Variants in CASQ2 observed in about 807,000 individuals in gnomAD.
CASQ2 encodes calsequestrin 2, also known as calsequestrin-2.
In CASQ2, 49 loss-of-function variants were observed where a neutral mutation model predicts 46.5. The observed-to-expected ratio is 1.05, with a 90% CI of 0.84 to 1.34. The LOEUF (loss-of-function observed/expected upper bound fraction) is 1.34, where lower values mean the gene tolerates loss of function less well. Ranked by LOEUF, CASQ2 falls within the 40% of genes most tolerant of loss-of-function variation. The probability of loss-of-function intolerance (pLI) is 0.00; values close to 1 mark genes in which losing one functional copy is unlikely to be tolerated. For missense variants in CASQ2, 486 were observed against 481.3 expected (o/e 1.01, Z -0.09); for synonymous variants, 174 against 168.5 (o/e 1.03, Z -0.25).
intron 1 of CASQ2, among the ~76,000 whole-genome samples, chr1:115,753,269 A>G (rs1648642848): frequency 6.6e-6 from 1 of 152,190 alleles, no homozygotes; most frequent in South Asian, 2.1e-4. Context: ...CACAGGGTCA[A>G]GGGCTGGCTG....
chr1:115,708,677 T>C (rs1250609002), intron 8 of CASQ2, among the ~76,000 whole-genome samples: 1 of 152,228 alleles, frequency 6.6e-6, no homozygotes, highest in Non-Finnish European at 1.5e-5. Context: ...GTTTAGCCAT[T>C]ATTTTACTTA....
intron 7 of CASQ2, among the ~76,000 whole-genome samples, chr1:115,719,883 C>G (rs192816521): frequency 1.6e-4 from 24 of 152,152 alleles, no homozygotes; most frequent in Non-Finnish European, 3.2e-4. Flanking sequence ...TTGCATGAAT[C>G]TTCCCTCCTC....
At chr1:115,717,928 AGCTG>A in intron 7 of CASQ2, 34 bp from the exon 8 acceptor site, 1 of 1,429,758 alleles carries the variant, frequency 7.0e-7, no homozygotes, top group Non-Finnish European at 9.9e-7. Flanking sequence ...TTACACTTCC[AGCTG>A]GAGGGATGCA....
chr1:115,755,271 GA>G (rs1648720034), intron 1 of CASQ2, among the ~76,000 whole-genome samples: 1 of 152,202 alleles, frequency 6.6e-6, no homozygotes, highest in Non-Finnish European at 1.5e-5. Context: ...TTTCTCAACA[GA>G]ATTCTGTGCC....
chr1:115,735,331 C>A (rs1026037857), intron 4 of CASQ2, among the ~76,000 whole-genome samples: 3 of 152,110 alleles, frequency 2.0e-5, no homozygotes, highest in African/African-American at 7.2e-5. Context: ...GGGTTAACTG[C>A]GCAAGAATTT....
At chr1:115,739,021 C>T (rs1648066173) in intron 3 of CASQ2, among the ~76,000 whole-genome samples, 1 of 149,472 alleles carries the variant, frequency 6.7e-6, no homozygotes, top group Admixed American at 6.7e-5. Context: ...ATAATGTTCT[C>T]CAATTCCATC....
At chr1:115,743,931 G>A (rs1648288559) in intron 2 of CASQ2, among the ~76,000 whole-genome samples, 1 of 150,956 alleles carries the variant, frequency 6.6e-6, no homozygotes, top group Non-Finnish European at 1.5e-5. Context: ...AAGATCAAGA[G>A]TTCAACACCA....
intron 1 of CASQ2, among the ~76,000 whole-genome samples, chr1:115,752,175 C>T (rs1648606145): frequency 6.6e-6 from 1 of 152,212 alleles, no homozygotes; most frequent in Admixed American, 6.5e-5. Flanking sequence ...ATTTAAATGT[C>T]AGTTCCTCAA....
intron 2 of CASQ2, among the ~76,000 whole-genome samples, chr1:115,742,913 C>T (rs10923343): frequency 0.71 from 107,942 of 151,794 alleles, 42,095 homozygotes; most frequent in Non-Finnish European, 0.88. Context: ...CTCAGCCTCC[C>T]GAGTAGTGGG....
intron 8 of CASQ2, among the ~76,000 whole-genome samples, chr1:115,708,785 A>C (rs1335437820): frequency 6.6e-6 from 1 of 152,220 alleles, no homozygotes; most frequent in Non-Finnish European, 1.5e-5. Flanking sequence ...TATTACGTTC[A>C]GTGATCTGGG....
intron 1 of CASQ2, among the ~76,000 whole-genome samples, chr1:115,753,148 G>T (rs1273716271): frequency 6.6e-6 from 1 of 152,216 alleles, no homozygotes; most frequent in African/African-American, 2.4e-5. Flanking sequence ...AGTCACGGCA[G>T]TCCAGCCCAG....
At chr1:115,725,644 A>G in intron 6 of CASQ2, 91 bp from the exon 7 acceptor site, 1 of 1,491,882 alleles carries the variant, frequency 6.7e-7, no homozygotes, top group East Asian at 2.3e-5. Flanking sequence ...TATGAAATGT[A>G]AAATGAGATG....
rs1218988533 is a variant in CASQ2 at position 115,700,627 on chromosome 1, A to G, written c.*614T>C. The G allele has an allele frequency of 5.4e-6, 1 of 185,246 alleles. No individual in the cohort carries two copies. Among genetic ancestry groups the G allele is most frequent in the Admixed American group, 5.3e-5 (1 of 18,886 alleles). 11.5% of individuals were successfully genotyped at this position (185,246 alleles called of 1,614,324 possible). On this transcript the variant is annotated 3_prime_UTR_variant, in exon 11 of 11. Coordinates refer to ENST00000261448, the MANE Select transcript of CASQ2 (RefSeq NM_001232.4). ...TTTCAAGCCCTCTCCATAGCCATCCAAAGGCTTGAATATCCAAGTTCATAG... is the reference window on the plus strand; with the variant it reads ...TTTCAAGCCCTCTCCATAGCCATCCGAAGGCTTGAATATCCAAGTTCATAG...
At chr1:115,756,920 C>T (rs905482927) in intron 1 of CASQ2, among the ~76,000 whole-genome samples, 6 of 152,008 alleles carry the variant, frequency 3.9e-5, no homozygotes, top group African/African-American at 7.3e-5. Flanking sequence ...GCACTCCAGC[C>T]GGGGAGCCTG....
intron 5 of CASQ2, among the ~76,000 whole-genome samples, chr1:115,729,821 A>G (rs1252960516): frequency 6.6e-6 from 1 of 152,190 alleles, no homozygotes; most frequent in Non-Finnish European, 1.5e-5. Context: ...CCCAACATCT[A>G]TCTTCTCCAC....
chr1:115,709,652 A>T (rs2101060442), intron 8 of CASQ2, among the ~76,000 whole-genome samples: 1 of 152,380 alleles, frequency 6.6e-6, no homozygotes, highest in South Asian at 2.1e-4. Flanking sequence ...GTAGATGAAT[A>T]GCCCTCACTC....
rs149324739 is a variant in CASQ2 at position 115,742,604 on chromosome 1, C to T, written c.320-1776G>A. Among the ~76,000 whole-genome samples the T allele has an allele frequency of 3.6e-3, 550 of 152,282 alleles. 8 individuals carry two copies. Among genetic ancestry groups the T allele is most frequent in the Non-Finnish European group, 5.3e-3 (360 of 68,032 alleles). On this transcript the variant is annotated intron_variant, in intron 2 of 10. Transcript: ENST00000261448. ...CTTTGCTAGTCTATTTTTATGTATA[C>T]TTGCCCAGCTTGTCCACCCAAAATT...
rs771091279 is a variant in CASQ2 at position 115,732,951 on chromosome 1, C to T, written c.556G>A (p.Ala186Thr). The change falls in exon 5 of 11, where the codon GCT becomes ACT. Residue 186 changes from alanine to threonine, a missense_variant. Transcript: ENST00000261448. ...SEYYKAFEEA[A>T]EHFQPYIKFF... ...TTGATGTAAGGCTGGAAGTGTTCAG[C>T]TGCTTCTTCAAAAGCCTTGTAGTCT... 6.2e-7 allele frequency: 1 copy of T among 1,613,778 alleles called. No homozygotes were observed. The highest frequency in any genetic ancestry group is 1.1e-5 in the South Asian group (1 of 91,064).
chr1:115,705,198 A>T lies in CASQ2; in HGVS notation c.933T>A (p.Phe311Leu), dbSNP rs769960615. 1 of 1,609,608 alleles carries T rather than the reference A, an allele frequency of 6.2e-7. No individual in the cohort carries two copies. The highest frequency in any genetic ancestry group is 8.5e-7 in the Non-Finnish European group (1 of 1,175,794). The stretch of plus-strand genomic sequence containing the variant: ...GCTGGCTGGAGCCACTCACCAGAGG[A>T]AAGTCGTCCGGGTCGATCCACAGGA... ...LSILWIDPDD[F>L]PLLVAYWEKT... Residue 311 changes from phenylalanine to leucine, a missense_variant, in exon 9 of 11, where the codon TTT becomes TTA. Phe to Leu is a conservative substitution (Grantham distance 22). Transcript: ENST00000261448.
Sources: allele counts gnomAD v4.1 joint callset (sites outside exome capture counted in the v4.1 genomes callset), GRCh38; gene constraint gnomAD v4.1.1; transcripts MANE v1.5; gene names NCBI Gene and HGNC (gene_info 2026-07-23, HGNC 2026-07-21).